The following INTS6 variants were observed in gnomAD, a reference collection of about 807,000 sequenced individuals.
INTS6 encodes the protein integrator complex subunit 6.
In INTS6, 16 loss-of-function variants were observed where a neutral mutation model predicts 104.9. The observed-to-expected ratio is 0.15, with a 90% CI of 0.10 to 0.23. INTS6 has a LOEUF of 0.23. Among genes scored for constraint, INTS6 ranks in the 10% least tolerant of loss-of-function variants. The pLI is 1.00. For synonymous variants in INTS6, 324 were observed against 358.7 expected (o/e 0.90, Z 1.09); for missense variants, 584 against 1,062.8 (o/e 0.55, Z 6.26).
chr13:51,374,438 C>A lies in INTS6; in HGVS notation c.1874G>T (p.Gly625Val). Residue 625 changes from glycine (G) to valine (V), a missense_variant and splice_region_variant, in exon 15 of 18, where the codon GGT (glycine) becomes GTT (valine). Physicochemically the swap from Gly to Val is moderately radical, Grantham distance 109. Around this residue, in one of 5 missense-constraint regions of INTS6, gnomAD observed 296 missense variants for 437.0 expected, o/e 0.68. Transcript: ENST00000311234. ...FGNPFKLDKK[G>V]MMIDEADEFV... is the part of the protein sequence containing the mutation. ...TTCATCTGCTTCATCTATCATCATA[C>A]CCTTTAGCAAAAAAGAATACAACTT... is the stretch of plus-strand genomic sequence containing the variant. The A allele has an allele frequency of 6.6e-7, 1 of 1,504,824 alleles. No individual in the cohort carries two copies. Among genetic ancestry groups the A allele is most frequent in the Non-Finnish European group, 9.0e-7 (1 of 1,108,058 alleles). 93.2% of individuals were successfully genotyped at this position (1,504,824 alleles called of 1,614,324 possible). A position where few individuals can be genotyped will look rare whatever the true frequency, so the allele number is the denominator to read the frequency against.
At chr13:51,440,846 G>C (rs1349902405) in intron 3 of INTS6, 1 of 152,174 alleles carries the variant, frequency 6.6e-6, no homozygotes, top group Non-Finnish European at 1.5e-5. Context: ...GCCTAATGGT[G>C]CAGTTCTCAG....
intron 4 of INTS6, among the ~76,000 whole-genome samples, chr13:51,418,853 G>A (rs895182334): frequency 3.3e-5 from 5 of 152,086 alleles, no homozygotes; most frequent in Non-Finnish European, 7.4e-5. Flanking sequence ...TCCATTTTAT[G>A]TGTTCAACGA....
At chr13:51,372,899 C>T (rs1208556344) in intron 15 of INTS6, among the ~76,000 whole-genome samples, 3 of 152,202 alleles carry the variant, frequency 2.0e-5, no homozygotes, top group African/African-American at 7.2e-5. Flanking sequence ...TGTCCATACT[C>T]TCCAACATGT....
the INTS6 span, chr13:51,348,141 C>A: frequency 2.5e-6 from 3 of 1,207,536 alleles, no homozygotes; most frequent in Non-Finnish European, 1.2e-6. Flanking sequence ...GCCAGCCTCT[C>A]TCAGGGTCCG....
chr13:51,372,312 T>G (rs897398939), intron 15 of INTS6, among the ~76,000 whole-genome samples: 1 of 151,984 alleles, frequency 6.6e-6, no homozygotes, highest in Non-Finnish European at 1.5e-5. Flanking sequence ...ACAGTTTTTT[T>G]TTTTTTTTTA....
chr13:51,345,616 A>C, the INTS6 span, among the ~76,000 whole-genome samples: 1 of 150,588 alleles, frequency 6.6e-6, no homozygotes, highest in Non-Finnish European at 1.5e-5. Context: ...AAAAAAAAAA[A>C]GCAGAATAGG....
chr13:51,438,757 T>G, intron 3 of INTS6: 1 of 152,236 alleles, frequency 6.6e-6, no homozygotes, highest in East Asian at 1.9e-4. Context: ...TTTCATTACC[T>G]GCCAAAGTAT....
At chr13:51,424,390 A>C (rs1028381690) in intron 4 of INTS6, among the ~76,000 whole-genome samples, 2 of 152,040 alleles carry the variant, frequency 1.3e-5, no homozygotes, top group Non-Finnish European at 2.9e-5. Context: ...AAAGTATATC[A>C]ATAAGAGTAC....
the INTS6 span, chr13:51,344,526 G>T: frequency 6.8e-7 from 1 of 1,471,730 alleles, no homozygotes; most frequent in African/African-American, 1.4e-5. Flanking sequence ...TAAGGCAGAG[G>T]GCTGCAGAGA....
At position 51,453,025 on chromosome 13, in the gene INTS6, C is replaced by A. The variant is rs1380409935; in HGVS notation, c.-500G>T. On this transcript the variant is annotated 5_prime_UTR_variant, in exon 1 of 18. Transcript: ENST00000311234. ...GTGTCACCACTTTCTCAGCCCCTCTCGCTACTGAAGCGCTTTTCTCTCTCA... is the reference window on the plus strand; with the variant it reads ...GTGTCACCACTTTCTCAGCCCCTCTAGCTACTGAAGCGCTTTTCTCTCTCA... 2.7e-5 allele frequency: 27 copies of A among 1,011,186 alleles called. No individual in the cohort carries two copies. Among genetic ancestry groups the A allele is most frequent in the Non-Finnish European group, 3.1e-5 (26 of 846,078 alleles). 62.6% of individuals were successfully genotyped at this position (1,011,186 alleles called of 1,614,324 possible).
intron 3 of INTS6, chr13:51,442,148 T>TG (rs1399238790): frequency 5.3e-5 from 8 of 150,170 alleles, no homozygotes; most frequent in African/African-American, 2.0e-4. Flanking sequence ...ATGATTTTTT[T>TG]TTTTTTTTGA....
chr13:51,423,149 C>A, intron 4 of INTS6: 1 of 757,834 alleles, frequency 1.3e-6, no homozygotes, highest in Non-Finnish European at 1.8e-6. Flanking sequence ...TTCTTATACA[C>A]AGCCAAAGTA....
At chr13:51,369,332 A>T (rs750475970) in intron 15 of INTS6, 22 bp from the exon 16 acceptor site, 10 of 1,578,448 alleles carry the variant, frequency 6.3e-6, no homozygotes, top group Non-Finnish European at 8.6e-6. Flanking sequence ...GATACGGGGA[A>T]AAAATTATGG....
chr13:51,393,999 A>G (rs1956290685), intron 5 of INTS6, among the ~76,000 whole-genome samples: 1 of 152,114 alleles, frequency 6.6e-6, no homozygotes, highest in African/African-American at 2.4e-5. Context: ...CAAGCCTTTC[A>G]GAACCTGTTA....
At chr13:51,380,603 T>C (rs1956028007) in intron 10 of INTS6, among the ~76,000 whole-genome samples, 1 of 152,194 alleles carries the variant, frequency 6.6e-6, no homozygotes, top group Non-Finnish European at 1.5e-5. Flanking sequence ...TAAAATGTCA[T>C]GATTTTTAAA....
chr13:51,449,745 A>G (rs2138176580), intron 3 of INTS6: 1 of 985,424 alleles, frequency 1.0e-6, no homozygotes, highest in African/African-American at 1.7e-5. Flanking sequence ...ATCCACTACT[A>G]TTTTACAGAA....
intron 3 of INTS6, chr13:51,441,743 T>C (rs945060705): frequency 2.0e-5 from 3 of 152,098 alleles, no homozygotes; most frequent in Non-Finnish European, 4.4e-5. Flanking sequence ...ATGTATGTTA[T>C]TAGAATCTAG....
In INTS6 at chr13:51,367,929, A is replaced by G. The variant is rs369463517; in HGVS notation, c.2477-31T>C. ...AGCAAAAGAAACAAAAAGAAAAATT[A>G]AGTGCCTTTCATTTGTATTCTTATT... On this transcript the variant is annotated intron_variant, in intron 16 of 17. Transcript: ENST00000311234. 4.9e-6 allele frequency: 6 copies of G among 1,229,010 alleles called. No individual in the cohort carries two copies. The African/African-American group carries it at 7.8e-5, about 16-fold the overall frequency. 76.1% of individuals were successfully genotyped at this position (1,229,010 alleles called of 1,614,324 possible).
At chr13:51,392,162 T>C (rs1956255392) in intron 5 of INTS6, among the ~76,000 whole-genome samples, 1 of 152,186 alleles carries the variant, frequency 6.6e-6, no homozygotes, top group Non-Finnish European at 1.5e-5. Context: ...ATCTAACAGG[T>C]GAAGTGGTAT....
Sources: allele counts gnomAD v4.1 joint callset (sites outside exome capture counted in the v4.1 genomes callset), GRCh38; gene constraint gnomAD v4.1.1; regional missense constraint gnomAD v4.1.1; transcripts MANE v1.5; gene names NCBI Gene and HGNC (gene_info 2026-07-23, HGNC 2026-07-21).